Variants in INPP5B observed in about 807,000 individuals in gnomAD.
INPP5B encodes inositol polyphosphate-5-phosphatase B.
A neutral mutation model predicts 118.5 loss-of-function variants in INPP5B; 90 were observed. The observed-to-expected ratio is 0.76, with a 90% CI of 0.64 to 0.90. INPP5B has a LOEUF of 0.90. Among genes scored for constraint, INPP5B ranks in the 40% least tolerant of loss-of-function variants. The pLI is 0.00. For missense variants in INPP5B, 984 were observed against 1,125.6 expected, an observed-to-expected ratio of 0.87 and a Z score of 1.80; for synonymous variants, 385 against 418.9, an observed-to-expected ratio of 0.92 and a Z score of 0.99.
At chr1:37,910,418 C>T (rs1644655498) in intron 7 of INPP5B, among the ~76,000 whole-genome samples, 1 of 152,098 alleles carries the variant, frequency 6.6e-6, no homozygotes, top group East Asian at 1.9e-4. Context: ...TAGGTTGAGA[C>T]ATTTTAACTA....
Position 37,861,181 on chromosome 1 carries a change from CAG to C in INPP5B, c.*1132_*1133del, listed in dbSNP as rs1226808299. On this transcript the variant is annotated 3_prime_UTR_variant, in exon 24 of 24. Coordinates refer to ENST00000373024, the MANE Select transcript of INPP5B (RefSeq NM_005540.3). ...CCCTCAGAGGCTGAGCAACCAGCCT[CAG>C]AGTTATTGAGCCATTATCTGGGCAG... 6.6e-6 allele frequency: 1 copy of C among 152,166 alleles called. No homozygotes were observed. Among genetic ancestry groups the C allele is most frequent in the Non-Finnish European group, 1.5e-5 (1 of 68,032 alleles). The allele number at this position is 152,166 out of a possible 1,614,324, so 9.4% of individuals were successfully genotyped here. A position where few individuals can be genotyped will look rare whatever the true frequency, so the allele number is the denominator to read the frequency against.
At chr1:37,898,569 C>A (rs1644210214) in intron 7 of INPP5B, among the ~76,000 whole-genome samples, 1 of 151,966 alleles carries the variant, frequency 6.6e-6, no homozygotes, top group South Asian at 2.1e-4. Context: ...GTGGCAGGCA[C>A]CTGTAGTCCC....
chr1:37,921,233 T>A (rs1202522870), intron 7 of INPP5B, among the ~76,000 whole-genome samples: 1 of 152,166 alleles, frequency 6.6e-6, no homozygotes, highest in Admixed American at 6.5e-5. Context: ...ATAACAACAG[T>A]AGTAAATTTA....
chr1:37,919,847 G>T (rs915403143), intron 7 of INPP5B, among the ~76,000 whole-genome samples: 4 of 152,058 alleles, frequency 2.6e-5, no homozygotes, highest in Non-Finnish European at 4.4e-5. Context: ...GGAGGCTGAG[G>T]CACAAGAATC....
intron 7 of INPP5B, among the ~76,000 whole-genome samples, chr1:37,922,149 T>G (rs1298138346): frequency 6.6e-6 from 1 of 151,148 alleles, no homozygotes; most frequent in East Asian, 1.9e-4. Flanking sequence ...TTGCAGTGAG[T>G]TGAGATCATG....
At chr1:37,943,972 A>G in intron 3 of INPP5B, 79 bp from the exon 4 acceptor site, 1 of 1,014,960 alleles carries the variant, frequency 9.9e-7, no homozygotes, top group Admixed American at 1.7e-5. Flanking sequence ...CGGGGTGCTC[A>G]CACTCGCTCG....
intron 19 of INPP5B, among the ~76,000 whole-genome samples, chr1:37,870,236 A>G (rs1478451469): frequency 6.6e-6 from 1 of 151,968 alleles, no homozygotes. Flanking sequence ...TGGCTTCCCA[A>G]GTAGCTAGGA....
chr1:37,919,942 A>G (rs1424842674), intron 7 of INPP5B, among the ~76,000 whole-genome samples: 4 of 152,164 alleles, frequency 2.6e-5, no homozygotes, highest in African/African-American at 9.7e-5. Flanking sequence ...ACTACATCTT[A>G]AAAAAACAAA....
At chr1:37,946,104 A>G in intron 2 of INPP5B, 148 bp downstream of exon 2, 1 of 780,206 alleles carries the variant, frequency 1.3e-6, no homozygotes, top group Non-Finnish European at 2.1e-6. Flanking sequence ...CTGAGAGTCC[A>G]GGACTCAGTA....
At chr1:37,862,466 A>G in intron 23 of INPP5B, 36 bp from the exon 24 acceptor site, 1 of 1,338,092 alleles carries the variant, frequency 7.5e-7, no homozygotes, top group Non-Finnish European at 1.1e-6. Flanking sequence ...ATGATTCAGC[A>G]AAAGAAGGTA....
chr1:37,882,229 C>G (rs1175069355), intron 14 of INPP5B, among the ~76,000 whole-genome samples: 3 of 152,142 alleles, frequency 2.0e-5, no homozygotes, highest in Admixed American at 6.5e-5. Flanking sequence ...CTGAACAGGT[C>G]TGAAATCTAC....
In INPP5B at chr1:37,868,399, A is replaced by G; in HGVS notation, c.2301+102T>C. The G allele has an allele frequency of 4.1e-6, 3 of 724,454 alleles. No homozygotes were observed. The South Asian group carries it at 4.5e-5, about 11-fold the overall frequency. The allele number at this position is 724,454 out of a possible 1,614,324, so 44.9% of individuals were successfully genotyped here. ...TATCCTTCCTCCCCTCCCTGGGTGA[A>G]GAACAGTTCTCCACAGTTTCCTTAT... On this transcript the variant is annotated intron_variant, in intron 20 of 23. Transcript: ENST00000373024.
At chr1:37,917,635 G>GTT (rs1041693795) in intron 7 of INPP5B, among the ~76,000 whole-genome samples, 121 of 151,782 alleles carry the variant, frequency 8.0e-4, no homozygotes, top group Middle Eastern at 3.4e-3. Context: ...AAAAACTGAA[G>GTT]TTTTTAATTT....
intron 7 of INPP5B, among the ~76,000 whole-genome samples, chr1:37,903,073 A>G (rs1644387823): frequency 2.0e-5 from 3 of 152,168 alleles, no homozygotes; most frequent in South Asian, 4.1e-4. Flanking sequence ...ATTTTATCAG[A>G]GGCATTTGAA....
chr1:37,885,944 C>A, intron 12 of INPP5B, 119 bp from the exon 13 acceptor site: 1 of 824,438 alleles, frequency 1.2e-6, no homozygotes. Context: ...CTTTGGGAGT[C>A]CGAGGCGGGT....
At chr1:37,942,680 A>T (rs1309282190) in intron 5 of INPP5B, among the ~76,000 whole-genome samples, 1 of 152,104 alleles carries the variant, frequency 6.6e-6, no homozygotes, top group Non-Finnish European at 1.5e-5. Flanking sequence ...AGGCCAAGGC[A>T]GGTGGATCAT....
intron 7 of INPP5B, among the ~76,000 whole-genome samples, chr1:37,918,515 C>G (rs1644948659): frequency 6.6e-6 from 1 of 152,184 alleles, no homozygotes; most frequent in African/African-American, 2.4e-5. Context: ...CCCTCCCCAG[C>G]CACATAAGTT....
chr1:37,872,805 C>A (rs1642539513), intron 19 of INPP5B, 125 bp downstream of exon 19: 2 of 699,794 alleles, frequency 2.9e-6, no homozygotes, highest in South Asian at 3.7e-5. Flanking sequence ...ACAGCTGATA[C>A]ACTAAGCAAG....
intron 7 of INPP5B, among the ~76,000 whole-genome samples, chr1:37,925,485 T>C (rs957652117): frequency 6.6e-6 from 1 of 152,194 alleles, no homozygotes; most frequent in African/African-American, 2.4e-5. Context: ...GCAAGACTCC[T>C]GCCTCAGCCT....
Sources: allele counts gnomAD v4.1 joint callset (sites outside exome capture counted in the v4.1 genomes callset), GRCh38; gene constraint gnomAD v4.1.1; transcripts MANE v1.5; gene names NCBI Gene and HGNC (gene_info 2026-07-23, HGNC 2026-07-21).